The following DCC variants were observed in gnomAD, a reference collection of about 807,000 sequenced individuals.
The protein encoded by DCC is netrin receptor DCC.
A neutral mutation model predicts 172.5 loss-of-function variants in DCC; 58 were observed. The ratio of observed to expected loss-of-function variants is 0.34; its 90% CI spans 0.27 to 0.42. The LOEUF (loss-of-function observed/expected upper bound fraction) is 0.42. DCC is among the 10% of genes least tolerant of loss of function. DCC has a pLI of 1.00. For synonymous variants in DCC, 709 were observed against 644.5 expected, an observed-to-expected ratio of 1.10 and a Z score of -1.52; for missense variants, 1,740 against 1,791.0, an observed-to-expected ratio of 0.97 and a Z score of 0.51.
intron 6 of DCC, 72 bp from the exon 7 acceptor site, chr18:53,065,974 C>T: frequency 6.3e-7 from 1 of 1,582,806 alleles, no homozygotes; most frequent in Admixed American, 1.7e-5. Flanking sequence ...ACTTTGGTCT[C>T]ATCTAAGTTC....
chr18:52,674,292 G>T (rs2035609597), intron 1 of DCC, among the ~76,000 whole-genome samples: 2 of 152,082 alleles, frequency 1.3e-5, no homozygotes, highest in African/African-American at 4.8e-5. Context: ...TTGCAGTCCA[G>T]GTCTGAAGGT....
chr18:52,976,505 G>T (rs1420043100), intron 5 of DCC, among the ~76,000 whole-genome samples: 1 of 152,096 alleles, frequency 6.6e-6, no homozygotes, highest in African/African-American at 2.4e-5. Flanking sequence ...CTACTGAAAG[G>T]CTCTATCCAC....
At chr18:53,069,894 C>T (rs1047617615) in intron 7 of DCC, among the ~76,000 whole-genome samples, 4 of 151,448 alleles carry the variant, frequency 2.6e-5, no homozygotes, top group Non-Finnish European at 5.9e-5. Flanking sequence ...ATTTAGATCT[C>T]ATTGAGGTGT....
At chr18:52,512,389 T>C (rs1037531) in intron 1 of DCC, among the ~76,000 whole-genome samples, 148,092 of 152,280 alleles carry the variant, frequency 0.97, 72,156 homozygotes, top group Middle Eastern at 1. Flanking sequence ...TTACATCTTA[T>C]TAGAAGGGTA....
At chr18:52,483,803 T>C (rs923031898) in intron 1 of DCC, among the ~76,000 whole-genome samples, 8 of 152,082 alleles carry the variant, frequency 5.3e-5, no homozygotes, top group African/African-American at 1.4e-4. Context: ...ATTTTCTCTG[T>C]TGTTCTGATC....
At chr18:52,760,645 T>A (rs2037146721) in intron 2 of DCC, among the ~76,000 whole-genome samples, 1 of 152,202 alleles carries the variant, frequency 6.6e-6, no homozygotes, top group Admixed American at 6.5e-5. Context: ...GGATAATAAC[T>A]TTATGAACCT....
intron 2 of DCC, among the ~76,000 whole-genome samples, chr18:52,791,780 G>A (rs769175029): frequency 5.3e-5 from 8 of 152,094 alleles, no homozygotes; most frequent in Admixed American, 1.3e-4. Context: ...AGTATGGTTC[G>A]TGTTAAAGCA....
At chr18:53,006,888 G>A (rs4076100) in intron 5 of DCC, among the ~76,000 whole-genome samples, 22,303 of 152,100 alleles carry the variant, frequency 0.15, 1,877 homozygotes, top group African/African-American at 0.24. Context: ...ACGTTTTGCA[G>A]CCTCCCGTTT....
intron 2 of DCC, among the ~76,000 whole-genome samples, chr18:52,827,301 C>G (rs1046866417): frequency 1.3e-5 from 2 of 152,178 alleles, no homozygotes; most frequent in East Asian, 1.9e-4. Context: ...AGTTAGAGAG[C>G]CTTTAATAGC....
At chr18:52,729,191 G>C (rs1443688411) in intron 1 of DCC, among the ~76,000 whole-genome samples, 1 of 152,102 alleles carries the variant, frequency 6.6e-6, no homozygotes, top group African/African-American at 2.4e-5. Context: ...CGCTTGCTTT[G>C]TGATTATGCC....
chr18:53,427,497 T>G (rs930447550), intron 21 of DCC, among the ~76,000 whole-genome samples: 13 of 152,022 alleles, frequency 8.6e-5, no homozygotes, highest in Non-Finnish European at 1.5e-4. Context: ...TATTGGGCTT[T>G]AGCTGTGTGG....
At chr18:52,924,020 T>C (rs1281860375) in intron 4 of DCC, among the ~76,000 whole-genome samples, 163 bp downstream of exon 4, 2 of 152,118 alleles carry the variant, frequency 1.3e-5, no homozygotes, top group East Asian at 1.9e-4. Flanking sequence ...ATGAAAGATA[T>C]TTAGCCACTG....
At chr18:53,226,524 A>G (rs1320696197) in intron 12 of DCC, among the ~76,000 whole-genome samples, 2 of 152,166 alleles carry the variant, frequency 1.3e-5, no homozygotes, top group Non-Finnish European at 2.9e-5. Flanking sequence ...TGATACCTCA[A>G]TAAACTTCAG....
intron 9 of DCC, among the ~76,000 whole-genome samples, chr18:53,180,766 C>T (rs1466446322): frequency 2.6e-5 from 4 of 152,064 alleles, no homozygotes; most frequent in South Asian, 2.1e-4. Context: ...AAGGTTCAAG[C>T]GATTCCCAGC....
At chr18:53,233,581 T>G (rs2056155166) in intron 12 of DCC, among the ~76,000 whole-genome samples, 1 of 152,194 alleles carries the variant, frequency 6.6e-6, no homozygotes, top group African/African-American at 2.4e-5. Flanking sequence ...AAATGAGTGA[T>G]AAACAGAAAA....
At chr18:53,195,921 C>T (rs1350146107) in intron 9 of DCC, among the ~76,000 whole-genome samples, 1 of 152,062 alleles carries the variant, frequency 6.6e-6, no homozygotes, top group Non-Finnish European at 1.5e-5. Context: ...TTTGTCCTTC[C>T]TAAGTTCCTT....
rs139291989 is a variant in DCC, at chr18:53,434,487, G to A, written c.3164-657G>A. 3.4e-3 allele frequency among the ~76,000 whole-genome samples: 511 copies of A among 152,072 alleles called. 2 individuals carry two copies. Among genetic ancestry groups the A allele is most frequent in the African/African-American group, 0.011 (476 of 41,488 alleles). On this transcript the variant is annotated intron_variant, in intron 21 of 28. Transcript: ENST00000442544. ...TTCCTGGCTTATTTCTCTTAAATAC[G>A]GCTTTCACATCTGTTACACACCTAA...
intron 5 of DCC, among the ~76,000 whole-genome samples, chr18:52,928,857 G>A (rs1455691278): frequency 2.0e-5 from 3 of 152,116 alleles, no homozygotes; most frequent in Non-Finnish European, 2.9e-5. Context: ...ATCTGGACAT[G>A]GGCAGTGTCT....
chr18:52,836,853 C>A (rs886629557), intron 2 of DCC, among the ~76,000 whole-genome samples: 1 of 152,210 alleles, frequency 6.6e-6, no homozygotes, highest in African/African-American at 2.4e-5. Context: ...CTCCACATTT[C>A]CCTTCTATAC....
Sources: allele counts gnomAD v4.1 joint callset (sites outside exome capture counted in the v4.1 genomes callset), GRCh38; gene constraint gnomAD v4.1.1; transcripts MANE v1.5; gene names NCBI Gene and HGNC (gene_info 2026-07-23, HGNC 2026-07-21).